The following LYPD6 variants were observed in gnomAD, a reference collection of about 807,000 sequenced individuals.
The protein encoded by LYPD6 is ly6/PLAUR domain-containing protein 6.
A neutral mutation model predicts 22.7 loss-of-function variants in LYPD6; 15 were observed. That is an observed-to-expected ratio of 0.66 (90% CI 0.44 to 1.02). LYPD6 has a LOEUF of 1.02. LYPD6 is among the 50% of genes least tolerant of loss of function. The pLI is 0.00. For missense variants in LYPD6, 189 were observed against 208.4 expected (o/e 0.91, Z 0.57); for synonymous variants, 72 against 77.5 (o/e 0.93, Z 0.37).
chr2:149,349,061 G>C (rs1356697003), intron 1 of LYPD6, among the ~76,000 whole-genome samples: 2 of 152,142 alleles, frequency 1.3e-5, no homozygotes, highest in East Asian at 3.9e-4. Flanking sequence ...AAGAGTAACA[G>C]ATTTGGAAGA....
At position 149,470,878 on chromosome 2, in the gene LYPD6, C is replaced by T. The variant is rs372489821; in HGVS notation, c.*28C>T. ...GCTCAGTGGCTCCATGTGTTAATAG[C>T]GATCCATGGGGATCTCGATGGTCCA... On this transcript the variant is annotated 3_prime_UTR_variant, in exon 5 of 5. Coordinates refer to ENST00000334166, the MANE Select transcript of LYPD6 (RefSeq NM_194317.5). 5.8e-5 allele frequency: 92 copies of T among 1,586,786 alleles called. No homozygotes were observed. The highest frequency in any genetic ancestry group is 5.1e-4 in the South Asian group (45 of 88,868).
chr2:149,404,050 C>T (rs376936415), intron 1 of LYPD6, among the ~76,000 whole-genome samples: 19 of 151,942 alleles, frequency 1.3e-4, no homozygotes, highest in Admixed American at 2.0e-4. Flanking sequence ...TGTAGATATG[C>T]GCCATTATTT....
intron 1 of LYPD6, among the ~76,000 whole-genome samples, chr2:149,334,950 A>G (rs988503825): frequency 2.6e-5 from 4 of 152,140 alleles, no homozygotes; most frequent in African/African-American, 9.7e-5. Flanking sequence ...TCGTGGCACA[A>G]CACATTACTT....
chr2:149,440,963 C>G (rs1304036337), intron 2 of LYPD6, among the ~76,000 whole-genome samples: 1 of 152,046 alleles, frequency 6.6e-6, no homozygotes, highest in Non-Finnish European at 1.5e-5. Flanking sequence ...CCTCGGCCTC[C>G]CAAAGTGTTG....
At chr2:149,377,761 C>G (rs926620387) in intron 1 of LYPD6, among the ~76,000 whole-genome samples, 2 of 149,502 alleles carry the variant, frequency 1.3e-5, no homozygotes, top group African/African-American at 4.9e-5. Context: ...GCCTGGACGA[C>G]AGAGCGAGAC....
chr2:149,359,069 A>T (rs1681521057), intron 1 of LYPD6, among the ~76,000 whole-genome samples: 1 of 152,192 alleles, frequency 6.6e-6, no homozygotes, highest in African/African-American at 2.4e-5. Context: ...TCAGTATCAA[A>T]TTTTAAAAAA....
the LYPD6 span, among the ~76,000 whole-genome samples, chr2:149,483,463 CTCTT>C: frequency 7.4e-6 from 1 of 135,166 alleles, no homozygotes; most frequent in African/African-American, 3.6e-5. Context: ...TCCTTCCGCT[CTCTT>C]TCTCTTGACC....
intron 1 of LYPD6, among the ~76,000 whole-genome samples, chr2:149,374,570 A>G (rs184555526): frequency 8.5e-5 from 13 of 152,308 alleles, no homozygotes; most frequent in Admixed American, 1.3e-4. Context: ...GTCCCTGACA[A>G]TCTCCCTTCT....
intron 2 of LYPD6, 53 bp downstream of exon 2, chr2:149,437,879 G>T (rs1683471084): frequency 3.1e-6 from 5 of 1,601,308 alleles, no homozygotes; most frequent in Non-Finnish European, 4.3e-6. Flanking sequence ...AATAAGAAGT[G>T]GTTCAAAAAC....
At chr2:149,389,015 G>GT (rs1176401507) in intron 1 of LYPD6, among the ~76,000 whole-genome samples, 1 of 152,070 alleles carries the variant, frequency 6.6e-6, no homozygotes, top group African/African-American at 2.4e-5. Flanking sequence ...CAGCTTTACT[G>GT]TGGGCATTGT....
At chr2:149,334,253 T>TA (rs1030538540) in intron 1 of LYPD6, among the ~76,000 whole-genome samples, 16 of 151,324 alleles carry the variant, frequency 1.1e-4, no homozygotes, top group Non-Finnish European at 1.5e-4. Flanking sequence ...GTGAATTTGT[T>TA]AAAAAAAAAT....
chr2:149,358,342 T>C (rs891676696), intron 1 of LYPD6, among the ~76,000 whole-genome samples: 2 of 152,170 alleles, frequency 1.3e-5, no homozygotes, highest in African/African-American at 4.8e-5. Context: ...GTAACAAGTC[T>C]TTAATAAAGA....
At chr2:149,370,453 AC>A in intron 1 of LYPD6, 1 of 151,944 alleles carries the variant, frequency 6.6e-6, no homozygotes, top group Non-Finnish European at 1.5e-5. Context: ...GGGATTAATG[AC>A]CTTATATAAG....
intron 1 of LYPD6, among the ~76,000 whole-genome samples, chr2:149,349,003 C>G (rs1019967529): frequency 1.2e-4 from 18 of 151,908 alleles, no homozygotes; most frequent in African/African-American, 4.4e-4. Flanking sequence ...GGTTTGGGAC[C>G]TGATAACTGG....
Position 149,449,076 on chromosome 2 carries a change from GT to G in LYPD6, c.149del (p.Phe50SerfsTer97). 6.2e-7 allele frequency: 1 copy of G among 1,613,344 alleles called. No homozygotes were observed. Among genetic ancestry groups the G allele is most frequent in the Non-Finnish European group, 8.5e-7 (1 of 1,179,622 alleles). On this transcript the variant is annotated frameshift_variant, in exon 3 of 5. Transcript: ENST00000334166. LOFTEE classifies it high-confidence loss of function. ...STTPYPGGFKCFTCEKAADNY... is the reference protein window; with the variant it reads ...STTPYPGGFKXFTCEKAADNY... ...ACACCATATCCTGGTGGATTTAAATGTTTCACCTGTGAAAAGGCAGCAGACA... is the reference window on the plus strand; with the variant it reads ...ACACCATATCCTGGTGGATTTAAATGTTCACCTGTGAAAAGGCAGCAGACA...
At chr2:149,462,027 C>G (rs1031163330) in intron 3 of LYPD6, among the ~76,000 whole-genome samples, 1 of 151,902 alleles carries the variant, frequency 6.6e-6, no homozygotes, top group African/African-American at 2.4e-5. Context: ...TTTAGTGCAA[C>G]CCTGTAGATT....
chr2:149,480,647 G>T, the LYPD6 span, among the ~76,000 whole-genome samples: 2 of 152,158 alleles, frequency 1.3e-5, no homozygotes, highest in Non-Finnish European at 1.5e-5. Flanking sequence ...CAGGACCATT[G>T]TCTGCTTTGC....
chr2:149,401,935 C>G (rs1001793965), intron 1 of LYPD6, among the ~76,000 whole-genome samples: 3 of 151,714 alleles, frequency 2.0e-5, no homozygotes, highest in Admixed American at 6.6e-5. Context: ...TAACTTAGCT[C>G]CAACATATGA....
intron 1 of LYPD6, among the ~76,000 whole-genome samples, chr2:149,422,667 T>C (rs1683105949): frequency 6.6e-6 from 1 of 152,194 alleles, no homozygotes; most frequent in African/African-American, 2.4e-5. Context: ...TGTTATTAAC[T>C]CTAGTCACCA....
Sources: allele counts gnomAD v4.1 joint callset (sites outside exome capture counted in the v4.1 genomes callset), GRCh38; gene constraint gnomAD v4.1.1; transcripts MANE v1.5; gene names NCBI Gene and HGNC (gene_info 2026-07-23, HGNC 2026-07-21).